Variants in CNTN4 observed in about 807,000 individuals in gnomAD.
The protein encoded by CNTN4 is contactin 4, also known as contactin-4.
Under a neutral mutation model 122.5 loss-of-function variants are expected in CNTN4, and 77 were observed. The ratio of observed to expected loss-of-function variants is 0.63; its 90% confidence interval spans 0.52 to 0.76. CNTN4 has a LOEUF of 0.76. CNTN4 is among the 30% of genes least tolerant of loss of function. CNTN4 has a pLI of 0.00. For synonymous variants in CNTN4, 512 were observed against 447.0 expected, an observed-to-expected ratio of 1.15 and a Z score of -1.83; for missense variants, 1,256 against 1,259.1, an observed-to-expected ratio of 1.00 and a Z score of 0.04.
intron 6 of CNTN4, among the ~76,000 whole-genome samples, chr3:2,798,385 C>CTATCTATCTATCTATCTATA (rs1559514933): frequency 2.0e-5 from 3 of 150,736 alleles, no homozygotes; most frequent in Non-Finnish European, 4.4e-5. Flanking sequence ...ATCTATCTAT[C>CTATCTATCTATCTATCTATA]TATCTATATA....
At chr3:2,390,479 T>C (rs1004781517) in intron 3 of CNTN4, among the ~76,000 whole-genome samples, 2 of 152,144 alleles carry the variant, frequency 1.3e-5, no homozygotes, top group African/African-American at 4.8e-5. Context: ...GTACATTCAA[T>C]GTGCTTACTA....
At chr3:2,213,954 A>G (rs1481410434) in intron 2 of CNTN4, among the ~76,000 whole-genome samples, 1 of 152,304 alleles carries the variant, frequency 6.6e-6, no homozygotes, top group Admixed American at 6.5e-5. Context: ...AGAAATTAGG[A>G]TAGAAAATGC....
At chr3:2,917,481 C>G (rs186201743) in intron 12 of CNTN4, among the ~76,000 whole-genome samples, 10 of 152,152 alleles carry the variant, frequency 6.6e-5, no homozygotes, top group African/African-American at 1.2e-4. Flanking sequence ...AATTTCAGGT[C>G]TGAGGTAGGG....
chr3:2,565,331 A>G (rs1050172532), intron 3 of CNTN4, among the ~76,000 whole-genome samples: 5 of 152,202 alleles, frequency 3.3e-5, no homozygotes, highest in African/African-American at 1.2e-4. Flanking sequence ...CTAGCAGACT[A>G]CTTACTGCAA....
intron 4 of CNTN4, among the ~76,000 whole-genome samples, chr3:2,682,883 A>G (rs537764631): frequency 5.3e-5 from 8 of 152,108 alleles, no homozygotes; most frequent in African/African-American, 1.4e-4. Context: ...AGCAACAACA[A>G]ATTTTGCCCT....
intron 2 of CNTN4, among the ~76,000 whole-genome samples, chr3:2,177,171 T>G (rs1010661129): frequency 6.6e-6 from 1 of 152,154 alleles, no homozygotes; most frequent in African/African-American, 2.4e-5. Flanking sequence ...CAAGAATTGC[T>G]AAAACCAAGT....
intron 4 of CNTN4, among the ~76,000 whole-genome samples, chr3:2,683,335 C>G (rs888301410): frequency 1.3e-5 from 2 of 151,888 alleles, no homozygotes; most frequent in Non-Finnish European, 2.9e-5. Context: ...TGTACACACA[C>G]ACACACACAC....
intron 13 of CNTN4, among the ~76,000 whole-genome samples, chr3:2,986,667 CCT>C (rs1414640714): frequency 3.3e-5 from 5 of 152,194 alleles, no homozygotes; most frequent in African/African-American, 1.2e-4. Flanking sequence ...ATCCTAGACC[CCT>C]GTTTCAGATA....
chr3:2,408,601 G>A (rs1049393223), intron 3 of CNTN4, among the ~76,000 whole-genome samples: 3 of 152,116 alleles, frequency 2.0e-5, no homozygotes, highest in African/African-American at 7.2e-5. Flanking sequence ...AAATTGTGAA[G>A]ACAGAAGTTC....
intron 2 of CNTN4, among the ~76,000 whole-genome samples, chr3:2,226,284 A>G (rs577028068): frequency 2.0e-5 from 3 of 152,230 alleles, no homozygotes; most frequent in Admixed American, 1.3e-4. Flanking sequence ...GACACTCCCT[A>G]TCGTAGTTAG....
intron 4 of CNTN4, among the ~76,000 whole-genome samples, chr3:2,596,887 T>C (rs1229003121): frequency 6.6e-6 from 1 of 152,222 alleles, no homozygotes; most frequent in Non-Finnish European, 1.5e-5. Flanking sequence ...CTACTTATCT[T>C]ATTGTCAACC....
chr3:2,678,423 C>A (rs1050975367), intron 4 of CNTN4, among the ~76,000 whole-genome samples: 5 of 152,116 alleles, frequency 3.3e-5, no homozygotes, highest in African/African-American at 1.2e-4. Context: ...TACTAGGTAG[C>A]TGCTTAATAA....
At position 2,503,691 on chromosome 3, in the gene CNTN4, A is replaced by AT. The variant is rs202208109; in HGVS notation, c.-88-67716dup. On this transcript the variant is annotated intron_variant, in intron 3 of 24. Coordinates refer to ENST00000418658, the MANE Select transcript of CNTN4 (RefSeq NM_175607.3). ...GAGCTATCTCTAAAAGATTGAGAGG[A>AT]TTTTTTTTTAATAAAGTGGGTAGGG... is the stretch of plus-strand genomic sequence containing the variant. Among the ~76,000 whole-genome samples, 81 of 151,744 alleles carry AT rather than the reference A, an allele frequency of 5.3e-4. 2 individuals carry two copies. The highest frequency in any genetic ancestry group is 3.7e-3 in the Admixed American group (56 of 15,214).
chr3:3,030,055 C>T (rs2125669121), intron 15 of CNTN4, among the ~76,000 whole-genome samples: 1 of 152,214 alleles, frequency 6.6e-6, no homozygotes, highest in East Asian at 1.9e-4. Context: ...CTAGGGTGGT[C>T]TCTTCATCAA....
chr3:2,199,234 T>G (rs537326036), intron 2 of CNTN4, among the ~76,000 whole-genome samples: 23 of 152,320 alleles, frequency 1.5e-4, no homozygotes, highest in Admixed American at 1.1e-3. Flanking sequence ...ACCTCCTGCA[T>G]GAAGGATTCT....
intron 2 of CNTN4, among the ~76,000 whole-genome samples, chr3:2,223,480 C>T (rs2039144336): frequency 6.6e-6 from 1 of 152,130 alleles, no homozygotes; most frequent in Non-Finnish European, 1.5e-5. Flanking sequence ...ATATCAAGGA[C>T]CCTAGGTGAA....
At chr3:2,803,635 C>G (rs1326409940) in intron 6 of CNTN4, among the ~76,000 whole-genome samples, 1 of 151,422 alleles carries the variant, frequency 6.6e-6, no homozygotes, top group African/African-American at 2.4e-5. Context: ...TCTTGGCTCA[C>G]TGCAACATCC....
At chr3:2,766,200 C>T (rs530926665) in intron 6 of CNTN4, among the ~76,000 whole-genome samples, 2 of 152,292 alleles carry the variant, frequency 1.3e-5, no homozygotes, top group Admixed American at 1.3e-4. Flanking sequence ...TCTCAATGCC[C>T]TGTGGATTTC....
chr3:2,979,401 C>G (rs1033394424), intron 13 of CNTN4, among the ~76,000 whole-genome samples: 1 of 152,040 alleles, frequency 6.6e-6, no homozygotes, highest in East Asian at 1.9e-4. Flanking sequence ...ATAATTAAAC[C>G]ATCTTAGAAA....
Sources: gnomAD v4.1 joint callset for allele counts (sites outside exome capture counted in the v4.1 genomes callset) on GRCh38, gnomAD v4.1.1 for gene constraint, MANE v1.5 for transcripts, NCBI Gene and HGNC (gene_info 2026-07-23, HGNC 2026-07-21) for gene names.